The following PLPPR2 variants were observed in gnomAD, a reference collection of about 807,000 sequenced individuals.
The protein encoded by PLPPR2 is phospholipid phosphatase related 2.
A neutral mutation model predicts 40.3 loss-of-function variants in PLPPR2; 11 were observed. The ratio of observed to expected loss-of-function variants is 0.27; its 90% CI spans 0.17 to 0.45. The LOEUF (loss-of-function observed/expected upper bound fraction) is 0.45, where lower values mean the gene tolerates loss of function less well. Among genes scored for constraint, PLPPR2 ranks in the 20% least tolerant of loss-of-function variants. The pLI is 1.00. For missense variants in PLPPR2, 497 were observed against 640.7 expected, an observed-to-expected ratio of 0.78 and a Z score of 2.42; for synonymous variants, 260 against 290.8, an observed-to-expected ratio of 0.89 and a Z score of 1.08.
intron 2 of PLPPR2, among the ~76,000 whole-genome samples, chr19:11,357,298 CCTT>C (rs1967913984): frequency 6.6e-6 from 1 of 151,914 alleles, no homozygotes; most frequent in Non-Finnish European, 1.5e-5. Flanking sequence ...TAGTGGGGAC[CCTT>C]CTAAGTGCCA....
chr19:11,358,845 G>C (rs1392515057), intron 3 of PLPPR2, among the ~76,000 whole-genome samples: 2 of 151,600 alleles, frequency 1.3e-5, no homozygotes, highest in African/African-American at 4.8e-5. Context: ...CTCCCGAGTA[G>C]TTGGGAGTAC....
Position 11,359,758 on chromosome 19 carries a change from G to C in PLPPR2, c.255+38G>C. On this transcript the variant is annotated intron_variant, in intron 4 of 9. Coordinates refer to ENST00000688289, the MANE Select transcript of PLPPR2 (RefSeq NM_001393892.1). The surrounding 1 kb of genome is among the most constrained non-coding windows in gnomAD (Gnocchi z 5.6). ...AGACCTCCTAGGAGGCAGGTGGGCC[G>C]GTAAGGGTGGGTGAGGGGATGGGCT... The C allele has an allele frequency of 1.3e-6, 2 of 1,578,810 alleles. No homozygotes were observed.
rs1333373719 is a variant in PLPPR2 at position 11,363,766 on chromosome 19, C to G, written c.894C>G (p.Leu298=). The part of the protein sequence containing the change: ...FQSRPPSGRR[L]SPWEDLGQAP... The stretch of plus-strand genomic sequence containing the variant: ...GCCGGCCACCCTCTGGCCGAAGGCT[C>G]TCTCCCTGGGAGGACCTGGGCCAAG... The change falls in exon 8 of 10, where the codon CTC becomes CTG. Residue 298 remains leucine, a synonymous_variant. Coordinates refer to ENST00000688289, the MANE Select transcript of PLPPR2 (RefSeq NM_001393892.1). This position sits in a 1 kb window ranked among gnomAD's most constrained non-coding sequence, Gnocchi z 4.8. The G allele has an allele frequency of 1.9e-6, 3 of 1,614,208 alleles. No individual in the cohort carries two copies. Among genetic ancestry groups the G allele is most frequent in the Non-Finnish European group, 2.5e-6 (3 of 1,180,020 alleles).
Position 11,359,503 on chromosome 19 carries a change from C to T in PLPPR2, c.67-29C>T. ...CCTGACCTCTCTCTTCTCTCTCCGC[C>T]ACCTCTCCCCGCCCTGGCTTGGTGG... is the stretch of plus-strand genomic sequence containing the variant. On this transcript the variant is annotated intron_variant, in intron 3 of 9. Transcript: ENST00000688289. This position sits in a 1 kb window ranked among gnomAD's most constrained non-coding sequence, Gnocchi z 5.6. 6.6e-7 allele frequency: 1 copy of T among 1,512,410 alleles called. No individual in the cohort carries two copies. Among genetic ancestry groups the T allele is most frequent in the African/African-American group, 1.4e-5 (1 of 71,938 alleles). 93.7% of individuals were successfully genotyped at this position (1,512,410 alleles called of 1,614,324 possible).
intron 5 of PLPPR2, among the ~76,000 whole-genome samples, chr19:11,360,637 ACACAGG>A (rs1177412009): frequency 6.6e-6 from 1 of 151,896 alleles, no homozygotes; most frequent in Non-Finnish European, 1.5e-5. Context: ...CAAAAGAGAG[ACACAGG>A]CACAGGACAA....
chr19:11,361,094 C>G lies in PLPPR2; in HGVS notation c.392-123C>G. ...TCTTAAAGGAAGGGGGATGTTGGCA[C>G]AACTACAGGGTCCCAAGTGTGCTTT... is the stretch of plus-strand genomic sequence containing the variant. On this transcript the variant is annotated intron_variant, in intron 5 of 9. Transcript: ENST00000688289. This position sits in a 1 kb window ranked among gnomAD's most constrained non-coding sequence, Gnocchi z 6.3. The G allele has an allele frequency of 7.8e-7, 1 of 1,289,934 alleles. No individual in the cohort carries two copies. The highest frequency in any genetic ancestry group is 1.0e-6 in the Non-Finnish European group (1 of 958,082). The allele number at this position is 1,289,934 out of a possible 1,614,324, so 79.9% of individuals were successfully genotyped here.
At position 11,361,497 on chromosome 19, in the gene PLPPR2, C is replaced by T; in HGVS notation, c.663+9C>T. ...CGGTCACCTACACAGCGGTGAGCTT[C>T]GGGAGCTTCGGGGTCGGAAATGGGT... On this transcript the variant is annotated intron_variant, in intron 6 of 9. Transcript: ENST00000688289. This position sits in a 1 kb window ranked among gnomAD's most constrained non-coding sequence, Gnocchi z 6.3. The T allele has an allele frequency of 1.3e-6, 2 of 1,585,186 alleles. No individual in the cohort carries two copies. The highest frequency in any genetic ancestry group is 1.7e-6 in the Non-Finnish European group (2 of 1,169,184).
rs373918772 is a variant in PLPPR2 at position 11,364,198 on chromosome 19, G to A, written c.1001G>A (p.Arg334Gln). ...TGCAGGCCGCATTCGACACCGGCAC[G>A]GCTCACCCCATCCAGTGAGTGTTGG... ...EVCRPHSTPA[R>Q]LTPSKSQNCA... Residue 334 changes from arginine to glutamine, a missense_variant, in exon 9 of 10, where the codon CGG becomes CAG. Arg to Gln is a conservative substitution (Grantham distance 43, BLOSUM62 1). Coordinates refer to ENST00000688289, the MANE Select transcript of PLPPR2 (RefSeq NM_001393892.1). The surrounding 1 kb of genome is among the most constrained non-coding windows in gnomAD (Gnocchi z 5.8). The A allele has an allele frequency of 1.1e-5, 17 of 1,612,182 alleles. No homozygotes were observed. Among genetic ancestry groups the A allele is most frequent in the African/African-American group, 1.3e-5 (1 of 74,858 alleles).
In PLPPR2 at chr19:11,358,656, CCTCT is replaced by C. The variant is rs565060533; in HGVS notation, c.67-869_67-866del. 1.3e-4 allele frequency among the ~76,000 whole-genome samples: 19 copies of C among 149,794 alleles called. No homozygotes were observed. The East Asian group carries it at 1.4e-3, about 11-fold the overall frequency. Reference sequence around the variant, plus strand: ...TCTTCTCCCCTCCTTTCCTGGCTTTCCTCTCTCTCTGTTTTTTTTTTTTCACTTC... The same window carrying C: ...TCTTCTCCCCTCCTTTCCTGGCTTTCCTCTCTGTTTTTTTTTTTTCACTTC... On this transcript the variant is annotated intron_variant, in intron 3 of 9. Coordinates refer to ENST00000688289, the MANE Select transcript of PLPPR2 (RefSeq NM_001393892.1).
intron 5 of PLPPR2, among the ~76,000 whole-genome samples, chr19:11,360,484 G>T (rs1968013885): frequency 1.3e-5 from 2 of 152,030 alleles, no homozygotes; most frequent in African/African-American, 4.8e-5. Context: ...GAATTGCCAT[G>T]ATGGGGATGT....
At chr19:11,356,286 C>T (rs1465865188) in intron 1 of PLPPR2, among the ~76,000 whole-genome samples, 1 of 151,792 alleles carries the variant, frequency 6.6e-6, no homozygotes, top group African/African-American at 2.4e-5. Context: ...GGGTGTGACG[C>T]TGTGATGAGT....
Position 11,362,829 on chromosome 19 carries a change from T to G in PLPPR2, c.840+140T>G. ...CCTTAACATTACCCTTCCTGGATAT[T>G]CTCATCTGTGAAATGAGATACCAGG... On this transcript the variant is annotated intron_variant, in intron 7 of 9. Coordinates refer to ENST00000688289, the MANE Select transcript of PLPPR2 (RefSeq NM_001393892.1). This position sits in a 1 kb window ranked among gnomAD's most constrained non-coding sequence, Gnocchi z 5.3. 2 of 994,662 alleles carry G rather than the reference T, an allele frequency of 2.0e-6. No individual in the cohort carries two copies. Among genetic ancestry groups the G allele is most frequent in the Non-Finnish European group, 1.4e-6 (1 of 698,720 alleles). The allele number at this position is 994,662 out of a possible 1,614,324, so 61.6% of individuals were successfully genotyped here.
rs1452472654 is a variant in PLPPR2 at position 11,361,472 on chromosome 19, C to T, written c.647C>T (p.Ala216Val). The change falls in exon 6 of 10, where the codon GCG becomes GTG. Residue 216 changes from alanine (A) to valine (V), a missense_variant. Coordinates refer to ENST00000688289, the MANE Select transcript of PLPPR2 (RefSeq NM_001393892.1). This position sits in a 1 kb window ranked among gnomAD's most constrained non-coding sequence, Gnocchi z 6.3. ...PCKDAALCAY[A>V]VTYTAMYVTL... Reference sequence around the variant, plus strand: ...AAGGATGCGGCCCTCTGCGCCTACGCGGTCACCTACACAGCGGTGAGCTTC... The same window carrying T: ...AAGGATGCGGCCCTCTGCGCCTACGTGGTCACCTACACAGCGGTGAGCTTC... 6.2e-7 allele frequency: 1 copy of T among 1,600,644 alleles called. No homozygotes were observed. The highest frequency in any genetic ancestry group is 8.5e-7 in the Non-Finnish European group (1 of 1,178,310).
At position 11,361,587 on chromosome 19, in the gene PLPPR2, C is replaced by G. The variant is rs1335018566; in HGVS notation, c.663+99C>G. 5 of 1,470,632 alleles carry G rather than the reference C, an allele frequency of 3.4e-6. No individual in the cohort carries two copies. Among genetic ancestry groups the G allele is most frequent in the Non-Finnish European group, 1.8e-6 (2 of 1,104,096 alleles). The allele number at this position is 1,470,632 out of a possible 1,614,324, so 91.1% of individuals were successfully genotyped here. On this transcript the variant is annotated intron_variant, in intron 6 of 9. Coordinates refer to ENST00000688289, the MANE Select transcript of PLPPR2 (RefSeq NM_001393892.1). This position sits in a 1 kb window ranked among gnomAD's most constrained non-coding sequence, Gnocchi z 6.3. ...GGGTTGGAGCCTCTGCTCTTCCACG[C>G]CCCGGGTGCTGTTGGAAGCTCTCGC...
In PLPPR2 at chr19:11,364,226, G is replaced by T; in HGVS notation, c.1015+14G>T. On this transcript the variant is annotated intron_variant, in intron 9 of 9. Coordinates refer to ENST00000688289, the MANE Select transcript of PLPPR2 (RefSeq NM_001393892.1). The surrounding 1 kb of genome is among the most constrained non-coding windows in gnomAD (Gnocchi z 5.8). The stretch of plus-strand genomic sequence containing the variant: ...TCACCCCATCCAGTGAGTGTTGGGG[G>T]AGTGGGGGGCTAAACAGGGGGACTT... 1 of 1,608,356 alleles carries T rather than the reference G, an allele frequency of 6.2e-7. No homozygotes were observed.
In PLPPR2 at chr19:11,364,286, T is replaced by C; in HGVS notation, c.1016-61T>C. The C allele has an allele frequency of 1.3e-6, 2 of 1,546,166 alleles. No individual in the cohort carries two copies. The highest frequency in any genetic ancestry group is 1.7e-6 in the Non-Finnish European group (2 of 1,146,268). Reference sequence around the variant, plus strand: ...CAGCCACTGCCCCAGAGGTCTCACCTAGGCCTTTATGCTGCCTCCCGAGTT... The same window carrying C: ...CAGCCACTGCCCCAGAGGTCTCACCCAGGCCTTTATGCTGCCTCCCGAGTT... On this transcript the variant is annotated intron_variant, in intron 9 of 9. Transcript: ENST00000688289. The surrounding 1 kb of genome is among the most constrained non-coding windows in gnomAD (Gnocchi z 5.8).
At position 11,361,902 on chromosome 19, in the gene PLPPR2, T is replaced by C. The variant is rs146656325; in HGVS notation, c.663+414T>C. ...GGCCCCCTGGAGTCCTTGCCCCTCT[T>C]CTGGAGCCCTTGCCCCTCTCCTGGG... On this transcript the variant is annotated intron_variant, in intron 6 of 9. Coordinates refer to ENST00000688289, the MANE Select transcript of PLPPR2 (RefSeq NM_001393892.1). This position sits in a 1 kb window ranked among gnomAD's most constrained non-coding sequence, Gnocchi z 6.3. 6.6e-6 allele frequency among the ~76,000 whole-genome samples: 1 copy of C among 151,796 alleles called. No individual in the cohort carries two copies. The highest frequency in any genetic ancestry group is 6.6e-5 in the Admixed American group (1 of 15,264).
rs1447945699 is a variant in PLPPR2 at position 11,364,341 on chromosome 19, C to A, written c.1016-6C>A. 2 of 1,518,478 alleles carry A rather than the reference C, an allele frequency of 1.3e-6. No homozygotes were observed. The allele number at this position is 1,518,478 out of a possible 1,614,324, so 94.1% of individuals were successfully genotyped here. On this transcript the variant is annotated splice_polypyrimidine_tract_variant and splice_region_variant and intron_variant, in intron 9 of 9. Transcript: ENST00000688289. The surrounding 1 kb of genome is among the most constrained non-coding windows in gnomAD (Gnocchi z 5.8). ...GATCCCCTGATATCTGGCTTCTGACCACCAGAGTCGCAGAACTGCGCCCGC... is the reference window on the plus strand; with the variant it reads ...GATCCCCTGATATCTGGCTTCTGACAACCAGAGTCGCAGAACTGCGCCCGC...
In PLPPR2 at chr19:11,361,578, T is replaced by C; in HGVS notation, c.663+90T>C. The stretch of plus-strand genomic sequence containing the variant: ...AAGCCGCCAGGGTTGGAGCCTCTGC[T>C]CTTCCACGCCCCGGGTGCTGTTGGA... On this transcript the variant is annotated intron_variant, in intron 6 of 9. Transcript: ENST00000688289. This position sits in a 1 kb window ranked among gnomAD's most constrained non-coding sequence, Gnocchi z 6.3. 2.0e-6 allele frequency: 3 copies of C among 1,498,550 alleles called. No individual in the cohort carries two copies. The highest frequency in any genetic ancestry group is 2.7e-6 in the Non-Finnish European group (3 of 1,122,404). The allele number at this position is 1,498,550 out of a possible 1,614,324, so 92.8% of individuals were successfully genotyped here.
Sources: gnomAD v4.1 joint callset for allele counts (sites outside exome capture counted in the v4.1 genomes callset) on GRCh38, gnomAD v4.1.1 for gene constraint, Gnocchi (gnomAD v3.1) non-coding constraint, MANE v1.5 for transcripts, NCBI Gene and HGNC (gene_info 2026-07-23, HGNC 2026-07-21) for gene names.